The following BCAR3 variants were observed in gnomAD, a reference collection of about 807,000 sequenced individuals.
BCAR3 encodes BCAR3 adaptor protein, NSP family member.
A neutral mutation model predicts 80.1 loss-of-function variants in BCAR3; 37 were observed. The observed-to-expected ratio is 0.46, with a 90% confidence interval of 0.36 to 0.61. The LOEUF is 0.61. Ranked by LOEUF, BCAR3 falls within the 20% of genes least tolerant of loss-of-function variation. The pLI, the probability that BCAR3 is intolerant of heterozygous loss-of-function variation, is 0.00. For missense variants in BCAR3, 978 were observed against 1,068.2 expected (o/e 0.92, Z 1.18); for synonymous variants, 389 against 418.9 (o/e 0.93, Z 0.87).
chr1:93,707,126 G>A (rs1649854631), intron 2 of BCAR3, among the ~76,000 whole-genome samples: 1 of 151,966 alleles, frequency 6.6e-6, no homozygotes, highest in South Asian at 2.1e-4. Context: ...AGTGAGCTGA[G>A]ATCATGCCAT....
intron 2 of BCAR3, among the ~76,000 whole-genome samples, chr1:93,816,690 A>G (rs12730395): frequency 0.012 from 1,779 of 151,056 alleles, 36 homozygotes; most frequent in African/African-American, 0.041. Flanking sequence ...AAAAAAAAAA[A>G]AAAAAGAAAT....
intron 2 of BCAR3, among the ~76,000 whole-genome samples, chr1:93,673,713 ATC>A (rs1351824171): frequency 6.6e-6 from 1 of 152,214 alleles, no homozygotes; most frequent in Non-Finnish European, 1.5e-5. Context: ...ATTTACCCAG[ATC>A]TCTGTCACAG....
At position 93,652,075 on chromosome 1, in the gene BCAR3, G is replaced by A. The variant is rs541327090; in HGVS notation, c.318-9732C>T. On this transcript the variant is annotated intron_variant, in intron 2 of 11. Coordinates refer to ENST00000260502, the MANE Select transcript of BCAR3 (RefSeq NM_003567.4). Reference sequence around the variant, plus strand: ...TATTCTGCTTTTCTTCATCTAAAACGCCTTGAGAGCCGAGAAAAGGATAAG... The same window carrying A: ...TATTCTGCTTTTCTTCATCTAAAACACCTTGAGAGCCGAGAAAAGGATAAG... 1.1e-4 allele frequency among the ~76,000 whole-genome samples: 17 copies of A among 152,294 alleles called. No homozygotes were observed. In the Middle Eastern group the frequency reaches 0.01, roughly 91 times the overall value.
At chr1:93,783,257 T>C (rs898158198) in intron 2 of BCAR3, among the ~76,000 whole-genome samples, 2 of 152,224 alleles carry the variant, frequency 1.3e-5, no homozygotes, top group Non-Finnish European at 2.9e-5. Flanking sequence ...CTAATCGTTA[T>C]AGGGGGCTTT....
At chr1:93,717,407 C>T (rs998234750) in intron 2 of BCAR3, among the ~76,000 whole-genome samples, 10 of 152,118 alleles carry the variant, frequency 6.6e-5, no homozygotes, top group Admixed American at 2.0e-4. Flanking sequence ...TGCATTTAGG[C>T]CAAGGGCTAC....
upstream of BCAR3, chr1:93,847,386 C>T (rs1655253269): frequency 1.3e-5 from 2 of 153,962 alleles, no homozygotes; most frequent in South Asian, 3.9e-4. Context: ...AACTGGGTCG[C>T]CGACCTTGTT....
chr1:93,637,343 C>T (rs928641073), intron 3 of BCAR3, among the ~76,000 whole-genome samples: 6 of 151,940 alleles, frequency 3.9e-5, no homozygotes, highest in South Asian at 2.1e-4. Flanking sequence ...TTAGTAGAGT[C>T]GGGGCTTCAC....
intron 2 of BCAR3, among the ~76,000 whole-genome samples, chr1:93,777,869 G>C (rs1652631724): frequency 6.6e-6 from 1 of 152,142 alleles, no homozygotes; most frequent in African/African-American, 2.4e-5. Flanking sequence ...TAATGAGTTG[G>C]TTCCCCAGTA....
intron 3 of BCAR3, among the ~76,000 whole-genome samples, chr1:93,634,099 T>C (rs1430348937): frequency 6.6e-6 from 1 of 152,230 alleles, no homozygotes; most frequent in Non-Finnish European, 1.5e-5. Flanking sequence ...CTTCATCTCT[T>C]CTCCAACCTC....
chr1:93,614,035 G>T, intron 3 of BCAR3: 1 of 1,477,344 alleles, frequency 6.8e-7, no homozygotes. Context: ...TGCTGTTTCT[G>T]CCCAGAAGTC....
chr1:93,740,496 G>A lies in BCAR3; in HGVS notation c.-62-34354C>T, dbSNP rs557113912. Among the ~76,000 whole-genome samples, 24 of 152,328 alleles carry A rather than the reference G, an allele frequency of 1.6e-4. No homozygotes were observed. In the South Asian group the frequency reaches 3.7e-3, roughly 24 times the overall value. ...GACTTGCTCAGTGGGCCCTGGGTGG[G>A]CCTGAACTTCCAGCAAGATGCAGGG... On this transcript the variant is annotated intron_variant, in intron 2 of 13. Transcript: ENST00000370244.
At chr1:93,711,606 A>G (rs1650023696) in intron 2 of BCAR3, among the ~76,000 whole-genome samples, 2 of 152,218 alleles carry the variant, frequency 1.3e-5, no homozygotes, top group African/African-American at 4.8e-5. Context: ...GAAGCCGCAA[A>G]GGGGTGTGGA....
intron 2 of BCAR3, among the ~76,000 whole-genome samples, chr1:93,651,544 G>A (rs1676325827): frequency 6.6e-6 from 1 of 152,192 alleles, no homozygotes; most frequent in Non-Finnish European, 1.5e-5. Context: ...GAAGAAAGGG[G>A]TACTATCCTC....
chr1:93,719,654 C>G lies in BCAR3; in HGVS notation c.-62-13512G>C, dbSNP rs1258901094. Among the ~76,000 whole-genome samples, 8 of 152,080 alleles carry G rather than the reference C, an allele frequency of 5.3e-5. No individual in the cohort carries two copies. The East Asian group carries it at 1.5e-3, about 29-fold the overall frequency. ...ACCCTGCCCAGCCTCTATATTTAAA[C>G]TTTCAATGTGGAAATGCAGGCACAT... On this transcript the variant is annotated intron_variant, in intron 2 of 13. Coordinates refer to the BCAR3 transcript ENST00000370244.
intron 3 of BCAR3, among the ~76,000 whole-genome samples, chr1:93,702,592 T>A (rs1182728494): frequency 6.6e-6 from 1 of 152,180 alleles, no homozygotes; most frequent in Non-Finnish European, 1.5e-5. Flanking sequence ...CTGTCTTCGA[T>A]TTGACTCTGC....
intron 2 of BCAR3, among the ~76,000 whole-genome samples, chr1:93,778,755 T>C (rs1050851007): frequency 2.6e-5 from 4 of 152,206 alleles, no homozygotes; most frequent in African/African-American, 9.6e-5. Context: ...TTTGCTCAGC[T>C]GAATCCTACT....
chr1:93,583,844 T>C (rs1474076952), intron 6 of BCAR3, among the ~76,000 whole-genome samples, 174 bp downstream of exon 6: 1 of 152,182 alleles, frequency 6.6e-6, no homozygotes, highest in Non-Finnish European at 1.5e-5. Flanking sequence ...TGGCATACGG[T>C]GTCTAGCTCA....
At chr1:93,665,694 C>T (rs893480828) in intron 2 of BCAR3, among the ~76,000 whole-genome samples, 10 of 152,270 alleles carry the variant, frequency 6.6e-5, no homozygotes, top group Admixed American at 4.6e-4. Context: ...TAATTCCAAC[C>T]GCCTGTCTGT....
intron 3 of BCAR3, among the ~76,000 whole-genome samples, chr1:93,601,980 T>A (rs1204546096): frequency 6.6e-6 from 1 of 152,210 alleles, no homozygotes; most frequent in Non-Finnish European, 1.5e-5. Context: ...AGTCCAGGCC[T>A]CTTATCAAAT....
Sources: allele counts gnomAD v4.1 joint callset (sites outside exome capture counted in the v4.1 genomes callset), GRCh38; gene constraint gnomAD v4.1.1; transcripts MANE v1.5; gene names NCBI Gene and HGNC (gene_info 2026-07-23, HGNC 2026-07-21).